The following NDST4 variants were observed in gnomAD, a reference collection of about 807,000 sequenced individuals.
The protein encoded by NDST4 is N-heparan sulfate sulfotransferase 4.
In NDST4, 63 loss-of-function variants were observed where a neutral mutation model predicts 100.8. The observed-to-expected ratio is 0.62, with a 90% CI of 0.51 to 0.77. NDST4 has a LOEUF of 0.77. Among genes scored for constraint, NDST4 ranks in the 30% least tolerant of loss-of-function variants. NDST4 has a pLI of 0.00. For synonymous variants in NDST4, 377 were observed against 361.8 expected (o/e 1.04, Z -0.48); for missense variants, 943 against 1,018.4 (o/e 0.93, Z 1.01).
intron 2 of NDST4, among the ~76,000 whole-genome samples, chr4:114,992,723 C>T (rs552392683): frequency 6.6e-6 from 1 of 151,914 alleles, no homozygotes; most frequent in African/African-American, 2.4e-5. Flanking sequence ...TTTCATTTAA[C>T]TTTTACAATA....
In NDST4 at chr4:115,071,276, TCACACACACACACACACA is replaced by T. The variant is rs70964340; in HGVS notation, c.978+4765_978+4782del. Among the ~76,000 whole-genome samples the T allele has an allele frequency of 1.6e-4, 22 of 138,270 alleles. No individual in the cohort carries two copies. The South Asian group carries it at 3.3e-3, about 21-fold the overall frequency. 90.7% of individuals were successfully genotyped at this position (138,270 alleles called of 152,430 possible). On this transcript the variant is annotated intron_variant, in intron 2 of 13. Transcript: ENST00000264363. ...ATTTGGTTCAAATGAAAGTATGCCT[TCACACACACACACACACA>T]CACACACACACACACACACACACAC... is the stretch of plus-strand genomic sequence containing the variant.
rs749911142 is a variant in NDST4, at chr4:114,935,258, A to T, written c.1484T>A (p.Leu495Gln). 2 of 1,610,836 alleles carry T rather than the reference A, an allele frequency of 1.2e-6. No individual in the cohort carries two copies. The highest frequency in any genetic ancestry group is 2.7e-5 in the African/African-American group (2 of 74,744). ...TTCACCTCCTCTGATACTTTTATCCAGTTCTTGGGGTCCTCCTGGATATTC... is the reference window on the plus strand; with the variant it reads ...TTCACCTCCTCTGATACTTTTATCCTGTTCTTGGGGTCCTCCTGGATATTC... ...YKEYPGGPQE[L>Q]DKSIRGGELF... The change falls in exon 6 of 14, where the codon CTG (leucine) becomes CAG (glutamine). Residue 495 changes from leucine (L) to glutamine (Q), a missense_variant. Coordinates refer to ENST00000264363, the MANE Select transcript of NDST4 (RefSeq NM_022569.3).
chr4:114,922,853 T>C (rs752214543), intron 6 of NDST4, among the ~76,000 whole-genome samples: 10 of 152,158 alleles, frequency 6.6e-5, no homozygotes, highest in Non-Finnish European at 8.8e-5. Context: ...ATACATATAG[T>C]AGAGGTGAAG....
At chr4:114,867,665 C>T (rs199575016) in intron 7 of NDST4, among the ~76,000 whole-genome samples, 11 of 79,898 alleles carry the variant, frequency 1.4e-4, no homozygotes, top group African/African-American at 5.4e-4. Flanking sequence ...AAAAAAAAAG[C>T]AAAAAAAAAA....
At chr4:115,022,486 A>ATATG (rs1553918301) in intron 2 of NDST4, among the ~76,000 whole-genome samples, 1 of 83,842 alleles carries the variant, frequency 1.2e-5, no homozygotes, top group African/African-American at 6.3e-5. Flanking sequence ...TTCCATATAT[A>ATATG]TGTTCCATAT....
At chr4:114,842,762 T>C (rs986625429) in intron 10 of NDST4, 1 of 162,450 alleles carries the variant, frequency 6.2e-6, no homozygotes, top group Non-Finnish European at 1.4e-5. Flanking sequence ...GATCACGCCA[T>C]TGCACTCCAA....
chr4:114,971,181 T>G (rs1317360282), intron 3 of NDST4, among the ~76,000 whole-genome samples: 1 of 152,110 alleles, frequency 6.6e-6, no homozygotes, highest in Non-Finnish European at 1.5e-5. Flanking sequence ...TATTTTTGCA[T>G]GCTTAAATTT....
intron 6 of NDST4, among the ~76,000 whole-genome samples, chr4:114,922,648 T>G (rs1184711302): frequency 6.6e-6 from 1 of 152,162 alleles, no homozygotes; most frequent in East Asian, 1.9e-4. Flanking sequence ...GTCAAATTCT[T>G]TCTTCTGAGG....
At chr4:114,967,195 T>C (rs1726401579) in intron 4 of NDST4, among the ~76,000 whole-genome samples, 1 of 152,122 alleles carries the variant, frequency 6.6e-6, no homozygotes, top group Non-Finnish European at 1.5e-5. Context: ...GGGTTCTGAA[T>C]GTCACTGCTT....
chr4:114,829,904 A>G lies in NDST4; in HGVS notation c.2397-12T>C, dbSNP rs1390890674. On this transcript the variant is annotated splice_polypyrimidine_tract_variant and intron_variant, in intron 12 of 13. Transcript: ENST00000264363. ...TTTGGGGATCAAACCTACAGTACATAAAACATAATGATTACAAATTGTATG... is the reference window on the plus strand; with the variant it reads ...TTTGGGGATCAAACCTACAGTACATGAAACATAATGATTACAAATTGTATG... The G allele has an allele frequency of 6.3e-7, 1 of 1,575,752 alleles. No individual in the cohort carries two copies. Among genetic ancestry groups the G allele is most frequent in the Non-Finnish European group, 8.7e-7 (1 of 1,152,986 alleles).
At chr4:114,864,429 C>T (rs1723981106) in intron 7 of NDST4, among the ~76,000 whole-genome samples, 2 of 152,128 alleles carry the variant, frequency 1.3e-5, no homozygotes, top group African/African-American at 4.8e-5. Flanking sequence ...CTTATTGAGT[C>T]TTGCTCTGTG....
At chr4:114,937,639 T>A in intron 4 of NDST4, 136 bp from the exon 5 acceptor site, 1 of 679,354 alleles carries the variant, frequency 1.5e-6, no homozygotes, top group East Asian at 3.0e-5. Flanking sequence ...AAGGTAGAGG[T>A]TTTATCTTCG....
At chr4:114,973,329 A>C (rs1726556247) in intron 3 of NDST4, among the ~76,000 whole-genome samples, 1 of 151,738 alleles carries the variant, frequency 6.6e-6, no homozygotes, top group Non-Finnish European at 1.5e-5. Context: ...TTTATATGTG[A>C]CCAGATTAGC....
chr4:115,110,713 G>T (rs1729937020), intron 1 of NDST4, among the ~76,000 whole-genome samples: 1 of 151,650 alleles, frequency 6.6e-6, no homozygotes, highest in African/African-American at 2.4e-5. Context: ...AGGAGTTTCT[G>T]GTAGGCTTAT....
chr4:115,051,736 C>A (rs938163381), intron 2 of NDST4, among the ~76,000 whole-genome samples: 1 of 151,972 alleles, frequency 6.6e-6, no homozygotes, highest in Non-Finnish European at 1.5e-5. Context: ...GTGTAGATAT[C>A]TTTTCAATAG....
chr4:115,109,848 A>T (rs1729909596), intron 1 of NDST4, among the ~76,000 whole-genome samples: 1 of 151,920 alleles, frequency 6.6e-6, no homozygotes, highest in Non-Finnish European at 1.5e-5. Flanking sequence ...TCATGGCATG[A>T]ATTTTCTGAA....
chr4:115,059,954 T>C (rs1179494360), intron 2 of NDST4, among the ~76,000 whole-genome samples: 2 of 151,792 alleles, frequency 1.3e-5, no homozygotes, highest in African/African-American at 4.9e-5. Context: ...TTATTCCCAC[T>C]AAACCTCTGC....
At chr4:114,848,373 C>A in intron 8 of NDST4, 35 bp from the exon 9 acceptor site, 2 of 1,415,760 alleles carry the variant, frequency 1.4e-6, no homozygotes, top group South Asian at 1.4e-5. Context: ...GGTTATATGG[C>A]AATAAGAGAC....
chr4:114,912,140 T>C (rs1164912233), intron 6 of NDST4, among the ~76,000 whole-genome samples: 2 of 152,212 alleles, frequency 1.3e-5, no homozygotes, highest in Admixed American at 1.3e-4. Context: ...AGAAATACTC[T>C]AGATGCTAAG....
Sources: allele counts gnomAD v4.1 joint callset (sites outside exome capture counted in the v4.1 genomes callset), GRCh38; gene constraint gnomAD v4.1.1; transcripts MANE v1.5; gene names NCBI Gene and HGNC (gene_info 2026-07-23, HGNC 2026-07-21).